The following NALF1 variants were observed in gnomAD, a reference collection of about 807,000 sequenced individuals.
The protein encoded by NALF1 is family with sequence similarity 155 member A.
A neutral mutation model predicts 48.4 loss-of-function variants in NALF1; 3 were observed. That is an observed-to-expected ratio of 0.06 (90% CI 0.03 to 0.16). The LOEUF (loss-of-function observed/expected upper bound fraction) is 0.16, where lower values mean the gene tolerates loss of function less well. NALF1 is among the 10% of genes least tolerant of loss of function. NALF1 has a pLI of 1.00. For missense variants in NALF1, 526 were observed against 571.5 expected (o/e 0.92, Z 0.81); for synonymous variants, 262 against 245.7 (o/e 1.07, Z -0.62).
At chr13:107,287,061 C>T (rs1281205216) in intron 1 of NALF1, among the ~76,000 whole-genome samples, 1 of 152,144 alleles carries the variant, frequency 6.6e-6, no homozygotes, top group East Asian at 1.9e-4. Flanking sequence ...GTGAGTTTCA[C>T]CGAAATAAAT....
chr13:107,482,583 A>G (rs923271139), intron 1 of NALF1, among the ~76,000 whole-genome samples: 2 of 152,250 alleles, frequency 1.3e-5, no homozygotes, highest in Non-Finnish European at 2.9e-5. Context: ...CACATTCTGC[A>G]GAACACATGA....
At chr13:107,179,486 A>G (rs1388370213) in intron 2 of NALF1, among the ~76,000 whole-genome samples, 1 of 152,064 alleles carries the variant, frequency 6.6e-6, no homozygotes, top group African/African-American at 2.4e-5. Context: ...ACAATGATGT[A>G]TTGTACAGTT....
chr13:107,723,021 A>C (rs1428008975), intron 1 of NALF1, among the ~76,000 whole-genome samples: 1 of 152,254 alleles, frequency 6.6e-6, no homozygotes. Context: ...CAAAACTGAA[A>C]AAATATCTTA....
At chr13:107,839,632 A>T (rs1018575704) in intron 1 of NALF1, among the ~76,000 whole-genome samples, 1 of 151,788 alleles carries the variant, frequency 6.6e-6, no homozygotes, top group African/African-American at 2.4e-5. Context: ...AAAGCAGCAG[A>T]GTATGACCCC....
intron 2 of NALF1, among the ~76,000 whole-genome samples, chr13:107,203,164 TAAG>T (rs1023807265): frequency 6.6e-6 from 1 of 152,220 alleles, no homozygotes; most frequent in Non-Finnish European, 1.5e-5. Flanking sequence ...TCTCATTGAA[TAAG>T]ATTTCACCTG....
intron 1 of NALF1, among the ~76,000 whole-genome samples, chr13:107,230,189 A>G (rs993643410): frequency 1.3e-5 from 2 of 152,324 alleles, no homozygotes; most frequent in Admixed American, 6.5e-5. Flanking sequence ...GTTGAGCCAT[A>G]TGAAATTTCT....
At chr13:107,606,031 C>T (rs769433274) in intron 1 of NALF1, among the ~76,000 whole-genome samples, 9 of 152,074 alleles carry the variant, frequency 5.9e-5, no homozygotes, top group Non-Finnish European at 1.2e-4. Flanking sequence ...CCCGAAATAC[C>T]CTACAGCACA....
intron 1 of NALF1, among the ~76,000 whole-genome samples, chr13:107,213,217 T>TTG (rs1170883486): frequency 3.0e-5 from 4 of 131,904 alleles, no homozygotes; most frequent in African/African-American, 1.2e-4. Flanking sequence ...CCTTTGCAGA[T>TTG]TTTTTTTTAA....
At chr13:107,281,488 G>A (rs1389353301) in intron 1 of NALF1, among the ~76,000 whole-genome samples, 1 of 152,162 alleles carries the variant, frequency 6.6e-6, no homozygotes, top group African/African-American at 2.4e-5. Flanking sequence ...TGATGGTCCT[G>A]CTATAGGCCT....
At chr13:107,199,649 T>G (rs1879467727) in intron 2 of NALF1, among the ~76,000 whole-genome samples, 1 of 152,178 alleles carries the variant, frequency 6.6e-6, no homozygotes, top group Non-Finnish European at 1.5e-5. Flanking sequence ...CAGCCTTTGT[T>G]TTAAGTTCCA....
At chr13:107,235,303 C>T (rs1594082777) in intron 1 of NALF1, among the ~76,000 whole-genome samples, 1 of 151,984 alleles carries the variant, frequency 6.6e-6, no homozygotes, top group African/African-American at 2.4e-5. Flanking sequence ...TTTCTGCTGC[C>T]CAAACAGCAA....
At chr13:107,380,204 C>T (rs1373611352) in intron 1 of NALF1, among the ~76,000 whole-genome samples, 1 of 152,030 alleles carries the variant, frequency 6.6e-6, no homozygotes, top group Non-Finnish European at 1.5e-5. Context: ...TCTACTAAAA[C>T]AACAATTTTT....
At chr13:107,319,773 C>T (rs9587349) in intron 1 of NALF1, among the ~76,000 whole-genome samples, 58,142 of 151,878 alleles carry the variant, frequency 0.38, 12,224 homozygotes, top group South Asian at 0.55. Flanking sequence ...GGCAGTTGAA[C>T]ACCACTGCCT....
chr13:107,672,387 C>G (rs1881012583), intron 1 of NALF1, among the ~76,000 whole-genome samples: 1 of 152,124 alleles, frequency 6.6e-6, no homozygotes, highest in Non-Finnish European at 1.5e-5. Flanking sequence ...AGGTCTTATC[C>G]ACAGAGTCTA....
rs762425805 is a variant in NALF1 at position 107,166,097 on chromosome 13, G to A, written c.*4400C>T. Reference sequence around the variant, plus strand: ...ATATGCCATAGTATATAACCCTAACGCCTCATATATGCATATGCACACTTA... The same window carrying A: ...ATATGCCATAGTATATAACCCTAACACCTCATATATGCATATGCACACTTA... On this transcript the variant is annotated 3_prime_UTR_variant, in exon 3 of 3. Transcript: ENST00000375915. 6.6e-5 allele frequency: 10 copies of A among 151,188 alleles called. No individual in the cohort carries two copies. Among genetic ancestry groups the A allele is most frequent in the Non-Finnish European group, 1.2e-4 (8 of 67,928 alleles). 9.4% of individuals were successfully genotyped at this position (151,188 alleles called of 1,614,324 possible).
intron 1 of NALF1, among the ~76,000 whole-genome samples, chr13:107,849,555 TC>T (rs1270496063): frequency 6.6e-6 from 1 of 152,106 alleles, no homozygotes; most frequent in Non-Finnish European, 1.5e-5. Flanking sequence ...GGCTTGGACT[TC>T]CTAGCAGTGT....
chr13:107,306,752 C>T (rs1474828321), intron 1 of NALF1, among the ~76,000 whole-genome samples: 1 of 152,054 alleles, frequency 6.6e-6, no homozygotes, highest in African/African-American at 2.4e-5. Context: ...TCGCTTGAGC[C>T]CAGAAGTTTG....
At chr13:107,457,101 G>T (rs1884836399) in intron 1 of NALF1, among the ~76,000 whole-genome samples, 1 of 152,156 alleles carries the variant, frequency 6.6e-6, no homozygotes, top group Non-Finnish European at 1.5e-5. Context: ...TGGAAAGAGT[G>T]TTTCTTACTT....
At chr13:107,677,192 G>A (rs368058540) in intron 1 of NALF1, among the ~76,000 whole-genome samples, 3 of 152,106 alleles carry the variant, frequency 2.0e-5, no homozygotes, top group Admixed American at 6.5e-5. Context: ...GACTATAGTC[G>A]CACATCACCA....
Sources: gnomAD v4.1 joint callset for allele counts (sites outside exome capture counted in the v4.1 genomes callset) on GRCh38, gnomAD v4.1.1 for gene constraint, MANE v1.5 for transcripts, NCBI Gene and HGNC (gene_info 2026-07-23, HGNC 2026-07-21) for gene names.